The following ARHGAP15 variants were observed in gnomAD, a reference collection of about 807,000 sequenced individuals.
The protein encoded by ARHGAP15 is rho GTPase-activating protein 15.
ARHGAP15 carries 51 observed loss-of-function variants against 63.7 expected under a neutral mutation model. The observed-to-expected ratio is 0.80, with a 90% CI of 0.64 to 1.01. The LOEUF (loss-of-function observed/expected upper bound fraction) is 1.01, where lower values mean the gene tolerates loss of function less well. Ranked by LOEUF, ARHGAP15 falls within the 50% of genes least tolerant of loss-of-function variation. The probability of loss-of-function intolerance (pLI) is 0.00; values close to 1 mark genes in which losing one functional copy is unlikely to be tolerated. For missense variants in ARHGAP15, 560 were observed against 564.6 expected (o/e 0.99, Z 0.08); for synonymous variants, 191 against 193.8 (o/e 0.99, Z 0.12).
chr2:143,136,714 C>T (rs1689157679), intron 1 of ARHGAP15, among the ~76,000 whole-genome samples: 1 of 151,914 alleles, frequency 6.6e-6, no homozygotes, highest in Non-Finnish European at 1.5e-5. Flanking sequence ...ATAAAAACTC[C>T]TTTTATATTA....
At chr2:143,705,022 CTAATGT>C (rs1278376276) in intron 13 of ARHGAP15, among the ~76,000 whole-genome samples, 5 of 152,142 alleles carry the variant, frequency 3.3e-5, no homozygotes, top group Admixed American at 2.6e-4. Flanking sequence ...ATGGTTGCTT[CTAATGT>C]TAAAGTACAT....
intron 9 of ARHGAP15, among the ~76,000 whole-genome samples, chr2:143,496,350 T>C (rs1169571460): frequency 6.6e-6 from 1 of 152,158 alleles, no homozygotes; most frequent in African/African-American, 2.4e-5. Context: ...TCTTGTGAGA[T>C]ATTAAAAGCA....
intron 6 of ARHGAP15, among the ~76,000 whole-genome samples, chr2:143,307,376 T>G (rs1574247278): frequency 6.6e-6 from 1 of 152,286 alleles, no homozygotes; most frequent in East Asian, 1.9e-4. Context: ...GGGGTTATAA[T>G]TTTGGATACC....
At chr2:143,512,381 T>A (rs1027353463) in intron 9 of ARHGAP15, among the ~76,000 whole-genome samples, 1 of 152,076 alleles carries the variant, frequency 6.6e-6, no homozygotes. Flanking sequence ...ATGGAGAGGG[T>A]GGAGTCAACA....
intron 4 of ARHGAP15, among the ~76,000 whole-genome samples, chr2:143,216,723 G>A (rs1335887952): frequency 6.6e-6 from 1 of 152,202 alleles, no homozygotes; most frequent in Non-Finnish European, 1.5e-5. Context: ...ACAATGGATT[G>A]TGATTTCTGT....
chr2:143,399,109 G>C (rs958586219), intron 6 of ARHGAP15, among the ~76,000 whole-genome samples: 1 of 152,054 alleles, frequency 6.6e-6, no homozygotes, highest in Non-Finnish European at 1.5e-5. Context: ...CTTATAAAAA[G>C]TTGATCTCAT....
At chr2:143,412,328 A>G (rs1333053781) in intron 6 of ARHGAP15, among the ~76,000 whole-genome samples, 1 of 151,402 alleles carries the variant, frequency 6.6e-6, no homozygotes, top group Non-Finnish European at 1.5e-5. Context: ...CATTGAAAAT[A>G]TCTGGTTGGA....
At chr2:143,276,428 G>C (rs935750143) in intron 6 of ARHGAP15, among the ~76,000 whole-genome samples, 1 of 152,202 alleles carries the variant, frequency 6.6e-6, no homozygotes, top group African/African-American at 2.4e-5. Context: ...AAACACAGAG[G>C]TGGGTTGCCT....
chr2:143,702,915 A>G (rs1684154974), intron 12 of ARHGAP15, among the ~76,000 whole-genome samples: 1 of 152,160 alleles, frequency 6.6e-6, no homozygotes, highest in Non-Finnish European at 1.5e-5. Context: ...CCATCTCAAA[A>G]TCTCTAACTG....
At chr2:143,200,880 C>T (rs934130803) in intron 2 of ARHGAP15, among the ~76,000 whole-genome samples, 3 of 150,688 alleles carry the variant, frequency 2.0e-5, no homozygotes, top group Non-Finnish European at 3.0e-5. Context: ...ACATCATCAA[C>T]AAAAAAAAAT....
At chr2:143,699,858 A>C (rs1684008359) in intron 12 of ARHGAP15, among the ~76,000 whole-genome samples, 1 of 152,214 alleles carries the variant, frequency 6.6e-6, no homozygotes, top group African/African-American at 2.4e-5. Context: ...GGTACATTAC[A>C]TACTATCTTG....
At chr2:143,613,199 C>A (rs1461554025) in intron 11 of ARHGAP15, among the ~76,000 whole-genome samples, 1 of 152,130 alleles carries the variant, frequency 6.6e-6, no homozygotes, top group African/African-American at 2.4e-5. Flanking sequence ...CCATCCATTT[C>A]TTTTTCCCTC....
At chr2:143,605,597 T>C (rs1212078649) in intron 11 of ARHGAP15, among the ~76,000 whole-genome samples, 1 of 152,002 alleles carries the variant, frequency 6.6e-6, no homozygotes, top group Non-Finnish European at 1.5e-5. Context: ...CCCTAGCTAA[T>C]CATGATGCCA....
At chr2:143,423,351 C>T (rs1689010416) in intron 6 of ARHGAP15, among the ~76,000 whole-genome samples, 1 of 30,418 alleles carries the variant, frequency 3.3e-5, no homozygotes, top group Non-Finnish European at 1.1e-4. Flanking sequence ...CTGTTTTCTA[C>T]ATTTCATAAG....
intron 6 of ARHGAP15, among the ~76,000 whole-genome samples, chr2:143,380,083 T>A (rs1357986470): frequency 6.6e-6 from 1 of 152,126 alleles, no homozygotes; most frequent in African/African-American, 2.4e-5. Flanking sequence ...CAAGCAGATC[T>A]AATCTAATTG....
chr2:143,140,608 C>T (rs567666123), intron 1 of ARHGAP15, among the ~76,000 whole-genome samples: 2 of 152,130 alleles, frequency 1.3e-5, no homozygotes, highest in African/African-American at 4.8e-5. Flanking sequence ...GAGAAGGGAA[C>T]ATATAAAAGG....
chr2:143,383,362 T>A, intron 6 of ARHGAP15, among the ~76,000 whole-genome samples: 1 of 152,198 alleles, frequency 6.6e-6, no homozygotes, highest in Non-Finnish European at 1.5e-5. Context: ...AAGGCAATAC[T>A]TTTATTTGAA....
chr2:143,198,070 A>T (rs866316595), intron 2 of ARHGAP15, among the ~76,000 whole-genome samples: 3 of 151,904 alleles, frequency 2.0e-5, no homozygotes, highest in Non-Finnish European at 4.4e-5. Context: ...AATACTACCT[A>T]TGCCTTTCAT....
intron 9 of ARHGAP15, among the ~76,000 whole-genome samples, chr2:143,489,123 G>C (rs78794766): frequency 6.6e-6 from 1 of 152,182 alleles, no homozygotes; most frequent in Non-Finnish European, 1.5e-5. Flanking sequence ...TAATGTCCGA[G>C]TTTTTCACGA....
Sources: allele counts gnomAD v4.1 joint callset (sites outside exome capture counted in the v4.1 genomes callset), GRCh38; gene constraint gnomAD v4.1.1; transcripts MANE v1.5; gene names NCBI Gene and HGNC (gene_info 2026-07-23, HGNC 2026-07-21).